MTIF2: variants seen among roughly 807,000 people sequenced by gnomAD.
The protein encoded by MTIF2 is mitochondrial translational initiation factor 2.
In MTIF2, 71 loss-of-function variants were observed where a neutral mutation model predicts 83.5. That is an observed-to-expected ratio of 0.85 (90% CI 0.70 to 1.04). MTIF2 has a LOEUF of 1.04. Ranked by LOEUF, MTIF2 falls within the 50% of genes least tolerant of loss-of-function variation. The probability of loss-of-function intolerance (pLI) is 0.00; values close to 1 mark genes in which losing one functional copy is unlikely to be tolerated. For missense variants in MTIF2, 957 were observed against 846.5 expected (o/e 1.13, Z -1.62); for synonymous variants, 319 against 287.1 (o/e 1.11, Z -1.12).
In MTIF2 at chr2:55,240,784, G is replaced by C. The variant is rs1243885568; in HGVS notation, c.1706-609C>G. Among the ~76,000 whole-genome samples, 2 of 152,194 alleles carry C rather than the reference G, an allele frequency of 1.3e-5. 1 individual carries two copies. Among genetic ancestry groups the C allele is most frequent in the Non-Finnish European group, 2.9e-5 (2 of 68,028 alleles). Reference sequence around the variant, plus strand: ...TAAAGCAGTATGCTAAACAAAATTTGATTTTCATACCAGAGAAATAAAAAC... The same window carrying C: ...TAAAGCAGTATGCTAAACAAAATTTCATTTTCATACCAGAGAAATAAAAAC... On this transcript the variant is annotated intron_variant, in intron 13 of 15. Coordinates refer to ENST00000263629, the MANE Select transcript of MTIF2 (RefSeq NM_002453.3).
chr2:55,259,243 G>A (rs567354318), intron 5 of MTIF2, among the ~76,000 whole-genome samples: 2 of 152,072 alleles, frequency 1.3e-5, no homozygotes, highest in African/African-American at 4.8e-5. Context: ...CAGGAGAAGA[G>A]GGAATAAATG....
rs546369876 is a variant in MTIF2, at chr2:55,246,725, A to AT, written c.982-265dup. On this transcript the variant is annotated intron_variant, in intron 9 of 15. Coordinates refer to ENST00000263629, the MANE Select transcript of MTIF2 (RefSeq NM_002453.3). The stretch of plus-strand genomic sequence containing the variant: ...CAGATCTTGCAAGGAACAAGTGGCT[A>AT]TTTTTTTTAAAGGATGACCACTGGT... Among the ~76,000 whole-genome samples the AT allele has an allele frequency of 3.0e-3, 462 of 152,096 alleles. 3 individuals carry two copies. Among genetic ancestry groups the AT allele is most frequent in the African/African-American group, 0.011 (448 of 41,490 alleles).
chr2:55,243,913 C>T (rs1676507220), intron 11 of MTIF2, 116 bp downstream of exon 11: 2 of 1,022,842 alleles, frequency 2.0e-6, no homozygotes, highest in Non-Finnish European at 2.8e-6. Flanking sequence ...TGCATCCTCA[C>T]AGCCCCTTAT....
Position 55,256,510 on chromosome 2 carries a change from A to C in MTIF2, c.332-1685T>G, listed in dbSNP as rs1202013739. ...ATCACGAGGTCAGGAGTTCAAGACC[A>C]GCCTGGCCAATATGGTGAAACCCTG... is the stretch of plus-strand genomic sequence containing the variant. On this transcript the variant is annotated intron_variant, in intron 5 of 15. Coordinates refer to ENST00000263629, the MANE Select transcript of MTIF2 (RefSeq NM_002453.3). Among the ~76,000 whole-genome samples the C allele has an allele frequency of 5.3e-5, 8 of 151,950 alleles. No individual in the cohort carries two copies. The East Asian group carries it at 1.4e-3, about 26-fold the overall frequency.
rs115680674 is a variant in MTIF2, at chr2:55,252,309, C to T, written c.841+168G>A. Among the ~76,000 whole-genome samples the T allele has an allele frequency of 3.5e-3, 528 of 152,328 alleles. 2 individuals carry two copies. Among genetic ancestry groups the T allele is most frequent in the Non-Finnish European group, 5.2e-3 (354 of 68,038 alleles). On this transcript the variant is annotated intron_variant, in intron 8 of 15. Coordinates refer to ENST00000263629, the MANE Select transcript of MTIF2 (RefSeq NM_002453.3). ...AACTCCCAAGTTGAATCCTGCTATA[C>T]TCTTCCTATTAGTTATAAGTCTGTG...
At position 55,244,214 on chromosome 2, in the gene MTIF2, T is replaced by C; in HGVS notation, c.1126A>G (p.Ile376Val). 6.2e-7 allele frequency: 1 copy of C among 1,613,556 alleles called. No individual in the cohort carries two copies. The highest frequency in any genetic ancestry group is 8.5e-7 in the Non-Finnish European group (1 of 1,179,522). ...KGRGLVTTAI[I>V]QRGTLRKGSV... The stretch of plus-strand genomic sequence containing the variant: ...CCTTTTCTTAAAGTTCCTCTTTGAA[T>C]TATAGCTGTAGTAACAAGACTAAAA... The change falls in exon 11 of 16, where the codon ATT (isoleucine) becomes GTT (valine). Residue 376 changes from isoleucine to valine, a missense_variant. Ile to Val is a conservative substitution (Grantham distance 29). Around this residue, in one of 3 missense-constraint regions of MTIF2, gnomAD observed 733 missense variants for 648.7 expected, o/e 1.13. Transcript: ENST00000263629.
chr2:55,256,897 C>A (rs533079602), intron 5 of MTIF2, among the ~76,000 whole-genome samples: 4 of 152,078 alleles, frequency 2.6e-5, no homozygotes, highest in Admixed American at 2.6e-4. Context: ...AGGGTTCTTG[C>A]CATTTTGCCC....
intron 10 of MTIF2, among the ~76,000 whole-genome samples, chr2:55,245,367 C>T (rs967447052): frequency 2.6e-5 from 4 of 151,986 alleles, no homozygotes; most frequent in African/African-American, 9.7e-5. Flanking sequence ...TAAAAAAATA[C>T]AAAAATTAGC....
At chr2:55,245,848 A>G (rs1676657947) in intron 10 of MTIF2, among the ~76,000 whole-genome samples, 1 of 152,228 alleles carries the variant, frequency 6.6e-6, no homozygotes, top group African/African-American at 2.4e-5. Flanking sequence ...CCCAGTCTCC[A>G]TCAGCTAAGG....
chr2:55,268,116 G>A (rs1678573044), intron 2 of MTIF2, among the ~76,000 whole-genome samples: 1 of 152,062 alleles, frequency 6.6e-6, no homozygotes, highest in South Asian at 2.1e-4. Context: ...AGCCGGGTAC[G>A]GTGGCGGGCG....
intron 9 of MTIF2, 64 bp from the exon 10 acceptor site, chr2:55,246,525 G>T: frequency 7.2e-7 from 1 of 1,391,250 alleles, no homozygotes. Flanking sequence ...GTAAATGCCA[G>T]GGACAGAAAG....
intron 11 of MTIF2, 55 bp downstream of exon 11, chr2:55,243,974 T>C (rs768090701): frequency 1.9e-5 from 26 of 1,367,334 alleles, no homozygotes; most frequent in Non-Finnish European, 2.5e-5. Context: ...CATTGTAAAC[T>C]GGCATTTAAA....
chr2:55,259,871 G>C (rs945127692), intron 5 of MTIF2, among the ~76,000 whole-genome samples: 1 of 152,106 alleles, frequency 6.6e-6, no homozygotes, highest in Non-Finnish European at 1.5e-5. Flanking sequence ...TTGAACTGGG[G>C]AGGCAGGAGT....
At chr2:55,249,658 A>G in intron 8 of MTIF2, 124 bp from the exon 9 acceptor site, 1 of 1,176,200 alleles carries the variant, frequency 8.5e-7, no homozygotes, top group Non-Finnish European at 1.2e-6. Context: ...TTATCTAACA[A>G]AAGGCCAAAA....
At chr2:55,239,114 A>G (rs974385098) in intron 14 of MTIF2, among the ~76,000 whole-genome samples, 1 of 152,228 alleles carries the variant, frequency 6.6e-6, no homozygotes. Flanking sequence ...CAACATGGAT[A>G]TATTATAATC....
chr2:55,267,337 T>G (rs763478108), intron 3 of MTIF2, among the ~76,000 whole-genome samples: 5 of 151,926 alleles, frequency 3.3e-5, no homozygotes, highest in Admixed American at 6.6e-5. Context: ...TTTTGTATTT[T>G]TAGTAGAGAC....
chr2:55,263,366 G>A (rs996687557), intron 4 of MTIF2, among the ~76,000 whole-genome samples: 1 of 152,176 alleles, frequency 6.6e-6, no homozygotes. Context: ...TAAATATTCT[G>A]TAAATGATAA....
chr2:55,253,973 CTA>C, intron 7 of MTIF2, 66 bp downstream of exon 7: 1 of 1,510,348 alleles, frequency 6.6e-7, no homozygotes, highest in Non-Finnish European at 9.1e-7. Flanking sequence ...ATATTTCATA[CTA>C]TGACATTTAG....
At chr2:55,250,181 G>A (rs572968857) in intron 8 of MTIF2, among the ~76,000 whole-genome samples, 5 of 151,944 alleles carry the variant, frequency 3.3e-5, no homozygotes, top group East Asian at 1.9e-4. Context: ...CCAAAATCCC[G>A]GCATACTCAA....
Sources: gnomAD v4.1 joint callset for allele counts (sites outside exome capture counted in the v4.1 genomes callset) on GRCh38, gnomAD v4.1.1 for gene constraint, gnomAD v4.1.1 regional missense constraint, MANE v1.5 for transcripts, NCBI Gene and HGNC (gene_info 2026-07-23, HGNC 2026-07-21) for gene names.